Variants in B4GALNT1 observed in about 807,000 individuals in gnomAD.
B4GALNT1 encodes the protein beta-1,4 N-acetylgalactosaminyltransferase 1.
In B4GALNT1, 43 loss-of-function variants were observed where a neutral mutation model predicts 55.2. That is an observed-to-expected ratio of 0.78 (90% CI 0.61 to 1.00). The LOEUF is 1.00. Ranked by LOEUF, B4GALNT1 falls within the 50% of genes least tolerant of loss-of-function variation. B4GALNT1 has a pLI of 0.00. For missense variants in B4GALNT1, 664 were observed against 729.7 expected (o/e 0.91, Z 1.04); for synonymous variants, 305 against 311.6 (o/e 0.98, Z 0.22).
At chr12:57,628,992 C>A in intron 7 of B4GALNT1, 56 bp downstream of exon 7, 2 of 1,593,502 alleles carry the variant, frequency 1.3e-6, no homozygotes, top group South Asian at 1.1e-5. Context: ...TGCCCTCTCC[C>A]AACTTGCTCC....
In B4GALNT1 at chr12:57,626,049, G is replaced by C. The variant is rs536040000; in HGVS notation, c.*695C>G. ...CGTGTGGGTCTGACCTCATCATGTG[G>C]AGTGCAGAGGGCCCTGATGACATGT... On this transcript the variant is annotated 3_prime_UTR_variant, in exon 11 of 11. Coordinates refer to ENST00000341156, the MANE Select transcript of B4GALNT1 (RefSeq NM_001478.5). The C allele has an allele frequency of 3.7e-6, 1 of 267,764 alleles. No homozygotes were observed. The highest frequency in any genetic ancestry group is 1.1e-4 in the South Asian group (1 of 8,930). 16.6% of individuals were successfully genotyped at this position (267,764 alleles called of 1,614,324 possible).
In B4GALNT1 at chr12:57,631,229, T is replaced by C. The variant is rs11558416; in HGVS notation, c.354A>G (p.Arg118=). The C allele has an allele frequency of 1.2e-6, 2 of 1,614,058 alleles. No individual in the cohort carries two copies. The highest frequency in any genetic ancestry group is 1.7e-6 in the Non-Finnish European group (2 of 1,180,020). Residue 118 remains arginine (R), a synonymous_variant, in exon 3 of 11, where the codon AGA becomes AGG. Coordinates refer to ENST00000341156, the MANE Select transcript of B4GALNT1 (RefSeq NM_001478.5). The part of the protein sequence containing the change: ...PAELRAASAT[R]EQEFQAFLSR... ...ACAGAAAGGCCTGGAACTCCTGCTC[T>C]CTTGTGGCAGAGGCAGCCCTCAGCT...
Position 57,631,228 on chromosome 12 carries a change from C to G in B4GALNT1, c.355G>C (p.Glu119Gln), listed in dbSNP as rs555516436. The change falls in exon 3 of 11, where the codon GAG (glutamate) becomes CAG (glutamine). Residue 119 changes from glutamate to glutamine, a missense_variant. Coordinates refer to ENST00000341156, the MANE Select transcript of B4GALNT1 (RefSeq NM_001478.5). ...AELRAASATR[E>Q]QEFQAFLSRS... Reference sequence around the variant, plus strand: ...GACAGAAAGGCCTGGAACTCCTGCTCTCTTGTGGCAGAGGCAGCCCTCAGC... The same window carrying G: ...GACAGAAAGGCCTGGAACTCCTGCTGTCTTGTGGCAGAGGCAGCCCTCAGC... 40 of 1,614,084 alleles carry G rather than the reference C, an allele frequency of 2.5e-5. No homozygotes were observed. The highest frequency in any genetic ancestry group is 5.3e-5 in the African/African-American group (4 of 74,938).
At chr12:57,630,866 T>C in intron 4 of B4GALNT1, 114 bp downstream of exon 4, 1 of 1,037,782 alleles carries the variant, frequency 9.6e-7, no homozygotes, top group Non-Finnish European at 1.4e-6. Flanking sequence ...AAGTCCCCCA[T>C]TCATCAGAGG....
At position 57,624,465 on chromosome 12, in the gene B4GALNT1, C is replaced by G; in HGVS notation, c.*2279G>C. The G allele has an allele frequency of 1.7e-6, 1 of 605,268 alleles. No individual in the cohort carries two copies. The allele number at this position is 605,268 out of a possible 1,614,324, so 37.5% of individuals were successfully genotyped here. A position where few individuals can be genotyped will look rare whatever the true frequency, so the allele number is the denominator to read the frequency against. On this transcript the variant is annotated 3_prime_UTR_variant, in exon 11 of 11. Coordinates refer to ENST00000341156, the MANE Select transcript of B4GALNT1 (RefSeq NM_001478.5). ...ACCCAGCAGTGATGGCCTGGCTTTT[C>G]TTTTGGGCAATCCACCCCTATCCCT... is the stretch of plus-strand genomic sequence containing the variant.
Position 57,630,198 on chromosome 12 carries a change from C to A in B4GALNT1, c.666G>T (p.Leu222=), listed in dbSNP as rs715930. ...GGTAGCTTCGGCTGCTGTAAGTGAC[C>A]AGTTGTAGTTGCCTGTTGAGTTGGT... is the stretch of plus-strand genomic sequence containing the variant. ...GLDQLNRQLQ[L]VTYSSRSYQT... is the part of the protein sequence containing the mutation. Residue 222 remains leucine (L), a synonymous_variant, in exon 6 of 11, where the codon CTG becomes CTT. Coordinates refer to ENST00000341156, the MANE Select transcript of B4GALNT1 (RefSeq NM_001478.5). 0.21 allele frequency: 342,453 copies of A among 1,614,046 alleles called. 37,802 individuals carry two copies. Among genetic ancestry groups the A allele is most frequent in the Admixed American group, 0.31 (18,585 of 60,008 alleles).
chr12:57,632,019 C>A lies in B4GALNT1; in HGVS notation c.114G>T (p.Ala38=). 1 of 1,455,934 alleles carries A rather than the reference C, an allele frequency of 6.9e-7. No homozygotes were observed. The highest frequency in any genetic ancestry group is 2.5e-5 in the East Asian group (1 of 39,894). The allele number at this position is 1,455,934 out of a possible 1,614,324, so 90.2% of individuals were successfully genotyped here. Residue 38 remains alanine (A), a synonymous_variant, in exon 2 of 11, where the codon GCG becomes GCT. Transcript: ENST00000341156. ...GGGGGCTTTGCGGGGGCGCCCACGG[C>A]GCAAGAGGTAGCCGGAGGCCGGGCG... is the stretch of plus-strand genomic sequence containing the variant. ...RDAPGLRLPL[A]PWAPPQSPRR...
At position 57,629,082 on chromosome 12, in the gene B4GALNT1, AG is replaced by A; in HGVS notation, c.776del (p.Pro259LeufsTer20). ...GTAGAGACCCAGGTGGGTACAGCCG[AG>A]GGTTGGGCGGGTGTCTTATGCGGAT... The part of the protein sequence containing the change: ...FTIRIRHPPN[P>X]RLYPPGSLPQ... On this transcript the variant is annotated frameshift_variant, in exon 7 of 11. Transcript: ENST00000341156. LOFTEE classifies it high-confidence loss of function. 1 of 1,596,204 alleles carries A rather than the reference AG, an allele frequency of 6.3e-7. No homozygotes were observed.
chr12:57,625,469 GAT>G lies in B4GALNT1; in HGVS notation c.*1273_*1274del. On this transcript the variant is annotated 3_prime_UTR_variant, in exon 11 of 11. Transcript: ENST00000341156. ...TCCTCCTGGCTCAGTGTAATGGTGA[GAT>G]GTGTGGAGAAGAGCGGGGCCCAGTG... The G allele has an allele frequency of 6.2e-7, 1 of 1,614,226 alleles. No homozygotes were observed. Among genetic ancestry groups the G allele is most frequent in the South Asian group, 1.1e-5 (1 of 91,086 alleles).
At chr12:57,629,352 T>C (rs972967354) in intron 6 of B4GALNT1, 4 of 476,714 alleles carry the variant, frequency 8.4e-6, no homozygotes, top group South Asian at 1.0e-4. Context: ...CTAATCTTTA[T>C]TGAGCACTTA....
In B4GALNT1 at chr12:57,626,904, A is replaced by C; in HGVS notation, c.1442T>G (p.Val481Gly). Residue 481 changes from valine (V) to glycine (G), a missense_variant, in exon 11 of 11, where the codon GTG (valine) becomes GGG (glycine). Transcript: ENST00000341156. ...LRVGSCSDVV[V>G]DHASKLKLPW... ...CAGCTTCAGTTTGGATGCATGATCCACCACGACGTCGGAGCAGGAGCCAAC... is the reference window on the plus strand; with the variant it reads ...CAGCTTCAGTTTGGATGCATGATCCCCCACGACGTCGGAGCAGGAGCCAAC... The C allele has an allele frequency of 6.2e-7, 1 of 1,614,186 alleles. No individual in the cohort carries two copies. The highest frequency in any genetic ancestry group is 8.5e-7 in the Non-Finnish European group (1 of 1,180,018).
chr12:57,624,117 C>G lies in B4GALNT1; in HGVS notation c.*2627G>C, dbSNP rs1477221182. 1 of 1,610,874 alleles carries G rather than the reference C, an allele frequency of 6.2e-7. No homozygotes were observed. Among genetic ancestry groups the G allele is most frequent in the Non-Finnish European group, 8.5e-7 (1 of 1,177,622 alleles). On this transcript the variant is annotated 3_prime_UTR_variant, in exon 11 of 11. Coordinates refer to ENST00000341156, the MANE Select transcript of B4GALNT1 (RefSeq NM_001478.5). The stretch of plus-strand genomic sequence containing the variant: ...GGACTTTGTGAGAAATGCCATTACC[C>G]CCAGATTGCCCCCTCTCATCTTGTT...
Position 57,624,411 on chromosome 12 carries a change from C to T in B4GALNT1, c.*2333G>A. The T allele has an allele frequency of 3.3e-6, 2 of 606,920 alleles. No homozygotes were observed. The highest frequency in any genetic ancestry group is 3.2e-6 in the Non-Finnish European group (1 of 315,166). The allele number at this position is 606,920 out of a possible 1,614,324, so 37.6% of individuals were successfully genotyped here. A position where few individuals can be genotyped will look rare whatever the true frequency, so the allele number is the denominator to read the frequency against. On this transcript the variant is annotated 3_prime_UTR_variant, in exon 11 of 11. Transcript: ENST00000341156. ...CTGGATCATCTCTCCCCATCACTTGCCTTGGTAGTCACTGCCCTGGATCTC... is the reference window on the plus strand; with the variant it reads ...CTGGATCATCTCTCCCCATCACTTGTCTTGGTAGTCACTGCCCTGGATCTC...
At position 57,625,008 on chromosome 12, in the gene B4GALNT1, T is replaced by G; in HGVS notation, c.*1736A>C. The G allele has an allele frequency of 6.2e-7, 1 of 1,613,568 alleles. No individual in the cohort carries two copies. Among genetic ancestry groups the G allele is most frequent in the Non-Finnish European group, 8.5e-7 (1 of 1,179,562 alleles). On this transcript the variant is annotated 3_prime_UTR_variant, in exon 11 of 11. Coordinates refer to ENST00000341156, the MANE Select transcript of B4GALNT1 (RefSeq NM_001478.5). ...GTGAAGGAGCTTGGTTTAGGAGGGA[T>G]GTGGATCCTCAGGGAGTGGGAGGCA...
At position 57,628,845 on chromosome 12, in the gene B4GALNT1, A is replaced by C. The variant is rs1565740148; in HGVS notation, c.870T>G (p.Asp290Glu). The stretch of plus-strand genomic sequence containing the variant: ...TACTGGTGATGAGAGCCCGTAGCCG[A>C]TCATAACGGAGGAAGGTCTTGGTGG... ...TIATKTFLRY[D>E]RLRALITSIR... Residue 290 changes from aspartate (D) to glutamate (E), a missense_variant, in exon 8 of 11, where the codon GAT becomes GAG. Transcript: ENST00000341156. The C allele has an allele frequency of 6.2e-7, 1 of 1,614,186 alleles. No individual in the cohort carries two copies. The highest frequency in any genetic ancestry group is 8.5e-7 in the Non-Finnish European group (1 of 1,180,024).
Position 57,624,099 on chromosome 12 carries a change from G to A in B4GALNT1, c.*2645C>T. 1.9e-6 allele frequency: 3 copies of A among 1,613,890 alleles called. No individual in the cohort carries two copies. In the South Asian group the frequency reaches 3.3e-5, roughly 18 times the overall value. On this transcript the variant is annotated 3_prime_UTR_variant, in exon 11 of 11. Transcript: ENST00000341156. ...ATGGCACATCAGCCGAGTGGACTTT[G>A]TGAGAAATGCCATTACCCCCAGATT...
rs778002581 is a variant in B4GALNT1, at chr12:57,626,850, T to A, written c.1496A>T (p.Glu499Val). ...TGGGTAACGGTACCGGGCGTAAGTC[T>A]CTGCTCCGGCATCCCTTGATGTCCA... ...LPWTSRDAGA[E>V]TYARYRYPGS... The change falls in exon 11 of 11, where the codon GAG becomes GTG. Residue 499 changes from glutamate to valine, a missense_variant. By Grantham distance (121) the Glu-to-Val change is moderately radical. Coordinates refer to ENST00000341156, the MANE Select transcript of B4GALNT1 (RefSeq NM_001478.5). 4 of 1,614,160 alleles carry A rather than the reference T, an allele frequency of 2.5e-6. No homozygotes were observed. In the South Asian group the frequency reaches 4.4e-5, roughly 18 times the overall value.
Position 57,633,141 on chromosome 12 carries a change from C to T in B4GALNT1, c.-371G>A, listed in dbSNP as rs577916290. 159 of 152,382 alleles carry T rather than the reference C, an allele frequency of 1.0e-3. No homozygotes were observed. The highest frequency in any genetic ancestry group is 3.8e-3 in the African/African-American group (156 of 41,586). The allele number at this position is 152,382 out of a possible 1,614,324, so 9.4% of individuals were successfully genotyped here. On this transcript the variant is annotated 5_prime_UTR_variant, in exon 1 of 11. Coordinates refer to ENST00000341156, the MANE Select transcript of B4GALNT1 (RefSeq NM_001478.5). Reference sequence around the variant, plus strand: ...GGCCGCCGCCCGGCTCTTCGCACCGCAGCGCAGCGCGGCTCAGCTCCCGGC... The same window carrying T: ...GGCCGCCGCCCGGCTCTTCGCACCGTAGCGCAGCGCGGCTCAGCTCCCGGC...
chr12:57,631,039 G>A lies in B4GALNT1; in HGVS notation c.431C>T (p.Pro144Leu), dbSNP rs370194213. The change falls in exon 4 of 11, where the codon CCG becomes CTG. Residue 144 changes from proline (P) to leucine (L), a missense_variant. Transcript: ENST00000341156. ...DQLLIAPANS[P>L]LQYPLQGVEV... is the part of the protein sequence containing the mutation. ...CACACCCTGTAGGGGGTACTGGAGC[G>A]GGGAGTTGGCAGGGGCTATGAGCAG... 32 of 1,613,042 alleles carry A rather than the reference G, an allele frequency of 2.0e-5. No homozygotes were observed. Among genetic ancestry groups the A allele is most frequent in the South Asian group, 3.3e-5 (3 of 91,034 alleles).
Sources: allele counts gnomAD v4.1 joint callset, GRCh38; gene constraint gnomAD v4.1.1; transcripts MANE v1.5; gene names NCBI Gene and HGNC (gene_info 2026-07-23, HGNC 2026-07-21).